The following ARID1B variants were observed in gnomAD, a reference collection of about 807,000 sequenced individuals.
ARID1B encodes the protein AT-rich interaction domain 1B.
Under a neutral mutation model 212.3 loss-of-function variants are expected in ARID1B, and 30 were observed. The ratio of observed to expected loss-of-function variants is 0.14; its 90% CI spans 0.11 to 0.19. The LOEUF (loss-of-function observed/expected upper bound fraction) is 0.19. Ranked by LOEUF, ARID1B falls within the 10% of genes least tolerant of loss-of-function variation. ARID1B has a pLI of 1.00. For synonymous variants in ARID1B, 1,402 were observed against 1,301.7 expected, an observed-to-expected ratio of 1.08 and a Z score of -1.66; for missense variants, 2,891 against 3,204.0, an observed-to-expected ratio of 0.90 and a Z score of 2.36.
chr6:157,167,298 T>TAGTATGATTCCCACTTTC, intron 9 of ARID1B, 113 bp downstream of exon 9: 1 of 1,333,566 alleles, frequency 7.5e-7, no homozygotes, highest in Non-Finnish European at 1.0e-6. Context: ...TTGGCGAAAG[T>TAGTATGATTCCCACTTTC]GGGAATCATA....
intron 3 of ARID1B, among the ~76,000 whole-genome samples, chr6:156,912,864 C>T (rs1286807183): frequency 6.6e-6 from 1 of 152,186 alleles, no homozygotes; most frequent in Non-Finnish European, 1.5e-5. Flanking sequence ...TCATTTCTCC[C>T]ACCCCAAACA....
At chr6:157,186,968 C>A (rs531311588) in intron 13 of ARID1B, among the ~76,000 whole-genome samples, 1 of 152,326 alleles carries the variant, frequency 6.6e-6, no homozygotes, top group South Asian at 2.1e-4. Context: ...TGGGGCTGCA[C>A]CCCACATATC....
chr6:156,870,225 A>C (rs1313958800), intron 2 of ARID1B: 2 of 152,304 alleles, frequency 1.3e-5, no homozygotes, highest in Non-Finnish European at 2.9e-5. Flanking sequence ...TGGCAACCAG[A>C]GAAGCTGGAG....
At chr6:156,917,964 T>C (rs188395280) in intron 3 of ARID1B, among the ~76,000 whole-genome samples, 1 of 152,308 alleles carries the variant, frequency 6.6e-6, no homozygotes, top group East Asian at 1.9e-4. Flanking sequence ...CTGGAAGTAC[T>C]TGGCACATGG....
intron 4 of ARID1B, among the ~76,000 whole-genome samples, chr6:156,957,843 C>T (rs1302650607): frequency 6.6e-6 from 1 of 152,008 alleles, no homozygotes; most frequent in Non-Finnish European, 1.5e-5. Flanking sequence ...ATAATGACAC[C>T]AGGATACCCA....
chr6:157,055,025 C>T (rs1236102801), intron 4 of ARID1B, among the ~76,000 whole-genome samples: 1 of 152,222 alleles, frequency 6.6e-6, no homozygotes, highest in African/African-American at 2.4e-5. Context: ...ACAGAACTCA[C>T]CACTGGGAAG....
intron 3 of ARID1B, among the ~76,000 whole-genome samples, chr6:156,925,327 T>C (rs1791131736): frequency 6.6e-6 from 1 of 152,162 alleles, no homozygotes; most frequent in African/African-American, 2.4e-5. Context: ...ATGAAGTAGC[T>C]TATACAAGCC....
At chr6:156,836,114 C>T (rs1241886964) in intron 2 of ARID1B, among the ~76,000 whole-genome samples, 1 of 152,112 alleles carries the variant, frequency 6.6e-6, no homozygotes, top group Non-Finnish European at 1.5e-5. Context: ...ATGAACCAAC[C>T]ATATCCCTTC....
At chr6:157,010,293 T>TG (rs1779504438) in intron 4 of ARID1B, among the ~76,000 whole-genome samples, 6 of 126,436 alleles carry the variant, frequency 4.7e-5, no homozygotes, top group Non-Finnish European at 7.1e-5. Flanking sequence ...TTTTTTTTTT[T>TG]TTTTTTTTTT....
At chr6:157,021,436 G>A (rs113716361) in intron 4 of ARID1B, among the ~76,000 whole-genome samples, 2 of 152,206 alleles carry the variant, frequency 1.3e-5, no homozygotes, top group African/African-American at 2.4e-5. Flanking sequence ...AGGGGACCGA[G>A]TCACACAGCA....
intron 1 of ARID1B, among the ~76,000 whole-genome samples, chr6:156,801,123 G>C (rs1014233356): frequency 6.6e-6 from 1 of 151,810 alleles, no homozygotes; most frequent in South Asian, 2.1e-4. Flanking sequence ...TACTGTGCCT[G>C]GCTCTTAGCA....
In ARID1B at chr6:156,955,831, C is replaced by G. The variant is rs1471611421; in HGVS notation, c.2247+20255C>G. 6.6e-6 allele frequency among the ~76,000 whole-genome samples: 1 copy of G among 152,114 alleles called. No individual in the cohort carries two copies. The highest frequency in any genetic ancestry group is 1.9e-4 in the East Asian group (1 of 5,188). On this transcript the variant is annotated intron_variant, in intron 4 of 19. Coordinates refer to ENST00000636930, the MANE Select transcript of ARID1B (RefSeq NM_001374828.1). This position sits in a 1 kb window ranked among gnomAD's most constrained non-coding sequence, Gnocchi z 4.2. ...AAATGAAGTAGCCCCATTTCAGGGG[C>G]CTAAGATTTTAGGGAGGAGGGCTGT...
At chr6:157,052,844 C>A (rs1041044856) in intron 4 of ARID1B, among the ~76,000 whole-genome samples, 1 of 151,996 alleles carries the variant, frequency 6.6e-6, no homozygotes, top group Non-Finnish European at 1.5e-5. Context: ...CTCGGCCTCC[C>A]GAGTAGCTGG....
chr6:157,096,385 T>A (rs977487226), intron 5 of ARID1B, among the ~76,000 whole-genome samples: 3 of 152,196 alleles, frequency 2.0e-5, no homozygotes, highest in Admixed American at 1.3e-4. Context: ...ATAACCTTTC[T>A]CCTGTGGGCT....
At chr6:156,871,471 C>G (rs1161232013) in intron 2 of ARID1B, 4 of 688,262 alleles carry the variant, frequency 5.8e-6, no homozygotes, top group Non-Finnish European at 1.0e-5. Flanking sequence ...TGGAGAAGGC[C>G]TGATACAGAT....
intron 3 of ARID1B, among the ~76,000 whole-genome samples, chr6:156,932,131 T>TAA (rs372027661): frequency 1.9e-3 from 88 of 45,768 alleles, no homozygotes; most frequent in Non-Finnish European, 3.3e-3. Context: ...CCTTGTTTCT[T>TAA]AAAAAAAAAA....
chr6:157,032,615 C>T (rs569830303), intron 4 of ARID1B, among the ~76,000 whole-genome samples: 35 of 152,224 alleles, frequency 2.3e-4, no homozygotes, highest in Admixed American at 1.4e-3. Flanking sequence ...ATTTTTGCTA[C>T]CTTGAAAGAT....
intron 4 of ARID1B, among the ~76,000 whole-genome samples, chr6:157,058,204 C>T (rs555182465): frequency 4.6e-5 from 7 of 152,260 alleles, no homozygotes; most frequent in South Asian, 2.1e-4. Flanking sequence ...ACCAGCTGAA[C>T]GCCATCAGGC....
rs980862034 is a variant in ARID1B at position 156,877,667 on chromosome 6, T to A, written c.1987-23709T>A. ...GAGCTGCCGGCCTCTGAAAGTTGGG[T>A]CCATGCCACCTGTAGGCCTTCTTGC... On this transcript the variant is annotated intron_variant, in intron 2 of 19. Coordinates refer to ENST00000636930, the MANE Select transcript of ARID1B (RefSeq NM_001374828.1). 2.6e-4 allele frequency among the ~76,000 whole-genome samples: 40 copies of A among 151,886 alleles called. 1 individual carries two copies. The highest frequency in any genetic ancestry group is 1.5e-5 in the Non-Finnish European group (1 of 67,988).
Sources: gnomAD v4.1 joint callset for allele counts (sites outside exome capture counted in the v4.1 genomes callset) on GRCh38, gnomAD v4.1.1 for gene constraint, Gnocchi (gnomAD v3.1) non-coding constraint, MANE v1.5 for transcripts, NCBI Gene and HGNC (gene_info 2026-07-23, HGNC 2026-07-21) for gene names.